The following OCLN variants were observed in gnomAD, a reference collection of about 807,000 sequenced individuals.
OCLN encodes occludin.
Under a neutral mutation model 47.9 loss-of-function variants are expected in OCLN, and 21 were observed. The ratio of observed to expected loss-of-function variants is 0.44; its 90% CI spans 0.31 to 0.63. The LOEUF (loss-of-function observed/expected upper bound fraction) is 0.63, where lower values mean the gene tolerates loss of function less well. Ranked by LOEUF, OCLN falls within the 30% of genes least tolerant of loss-of-function variation. OCLN has a pLI of 0.08. For synonymous variants in OCLN, 117 were observed against 198.4 expected (o/e 0.59, Z 3.45); for missense variants, 360 against 571.0 (o/e 0.63, Z 3.77).
intron 1 of OCLN, among the ~76,000 whole-genome samples, chr5:69,498,166 C>T (rs900892710): frequency 6.6e-6 from 1 of 151,822 alleles, no homozygotes; most frequent in African/African-American, 2.4e-5. Flanking sequence ...AATTAGTTCT[C>T]CTCTATACTG....
At chr5:69,511,330 G>A (rs56236929) in intron 3 of OCLN, among the ~76,000 whole-genome samples, 6 of 151,354 alleles carry the variant, frequency 4.0e-5, no homozygotes, top group African/African-American at 1.2e-4. Context: ...TGATCCGCCC[G>A]CCTCGGCCTC....
chr5:69,504,359 G>A (rs988231282), intron 2 of OCLN, 65 bp downstream of exon 2: 53 of 966,726 alleles, frequency 5.5e-5, no homozygotes, highest in Non-Finnish European at 8.4e-5. Flanking sequence ...AATAAGTATG[G>A]TTGAAACTTT....
In OCLN at chr5:69,509,544, G is replaced by T. The variant is rs779726887; in HGVS notation, c.454G>T (p.Ala152Ser). ...LAMAAFCFIA[A>S]LVIFVTSVIR... ...CATGGCTGCCTTTTGTTTCATTGCCGCGTTGGTGATCTTTGTTACCAGTGT... is the reference window on the plus strand; with the variant it reads ...CATGGCTGCCTTTTGTTTCATTGCCTCGTTGGTGATCTTTGTTACCAGTGT... Residue 152 changes from alanine (A) to serine (S), a missense_variant, in exon 3 of 9, where the codon GCG (alanine) becomes TCG (serine). By Grantham distance (99) the Ala-to-Ser change is moderately conservative. Transcript: ENST00000396442. 1.2e-6 allele frequency: 2 copies of T among 1,614,132 alleles called. No individual in the cohort carries two copies. Among genetic ancestry groups the T allele is most frequent in the Non-Finnish European group, 8.5e-7 (1 of 1,180,002 alleles).
At chr5:69,502,223 AT>A (rs935839929) in intron 1 of OCLN, among the ~76,000 whole-genome samples, 1 of 152,072 alleles carries the variant, frequency 6.6e-6, no homozygotes, top group Non-Finnish European at 1.5e-5. Flanking sequence ...GTTGCCATTA[AT>A]TTAAAAAAAA....
intron 3 of OCLN, 99 bp downstream of exon 3, chr5:69,509,918 G>A (rs1433846235): frequency 6.5e-6 from 6 of 923,666 alleles, no homozygotes; most frequent in Non-Finnish European, 1.1e-5. Flanking sequence ...AAAAAATATT[G>A]ATGACAAGGC....
At position 69,534,908 on chromosome 5, in the gene OCLN, G is replaced by T; in HGVS notation, c.1037+69G>T. 4 of 1,554,524 alleles carry T rather than the reference G, an allele frequency of 2.6e-6. 1 individual carries two copies. The highest frequency in any genetic ancestry group is 3.5e-6 in the Non-Finnish European group (4 of 1,146,772). ...GAGTATTTGCATATAATTGGTTTTT[G>T]TGCCTTTCTGCTTAAAAAAAATATC... On this transcript the variant is annotated intron_variant, in intron 5 of 8. Coordinates refer to ENST00000396442, the MANE Select transcript of OCLN (RefSeq NM_001205254.2).
intron 1 of OCLN, chr5:69,502,598 C>CTATAG (rs1768491479): frequency 2.0e-5 from 3 of 152,342 alleles, no homozygotes; most frequent in Admixed American, 2.0e-4. Flanking sequence ...CCCTACTCTA[C>CTATAG]TAATCACTGG....
intron 5 of OCLN, among the ~76,000 whole-genome samples, chr5:69,535,826 T>TA (rs1769566987): frequency 6.6e-6 from 1 of 151,940 alleles, no homozygotes; most frequent in Admixed American, 6.6e-5. Flanking sequence ...ATATAAAAGA[T>TA]AAAAAATGGT....
At chr5:69,528,885 C>T (rs1769353790) in intron 4 of OCLN, among the ~76,000 whole-genome samples, 1 of 152,070 alleles carries the variant, frequency 6.6e-6, no homozygotes, top group South Asian at 2.1e-4. Context: ...GCAGGTCTAG[C>T]CTGACTCTCT....
At chr5:69,512,239 G>C (rs894344547) in intron 3 of OCLN, among the ~76,000 whole-genome samples, 1 of 152,060 alleles carries the variant, frequency 6.6e-6, no homozygotes, top group African/African-American at 2.4e-5. Context: ...TTAATTTTGG[G>C]CATGATGGAA....
chr5:69,509,324 C>T lies in OCLN; in HGVS notation c.234C>T (p.Ala78=). Residue 78 remains alanine (A), a synonymous_variant, in exon 3 of 9, where the codon GCC becomes GCT. Transcript: ENST00000396442. ...TGCTCATTATTGTGATGTGCATTGCCATCTTTGCCTGTGTGGCCTCCACGC... is the reference window on the plus strand; with the variant it reads ...TGCTCATTATTGTGATGTGCATTGCTATCTTTGCCTGTGTGGCCTCCACGC... ...LSMLIIVMCI[A]IFACVASTLA... 2 of 1,614,188 alleles carry T rather than the reference C, an allele frequency of 1.2e-6. No homozygotes were observed. The highest frequency in any genetic ancestry group is 1.7e-6 in the Non-Finnish European group (2 of 1,180,030).
rs936993507 is a variant in OCLN at position 69,492,794 on chromosome 5, C to G, written c.-175C>G. 1 of 152,526 alleles carries G rather than the reference C, an allele frequency of 6.6e-6. No individual in the cohort carries two copies. The highest frequency in any genetic ancestry group is 1.5e-5 in the Non-Finnish European group (1 of 68,320). The allele number at this position is 152,526 out of a possible 1,614,324, so 9.4% of individuals were successfully genotyped here. On this transcript the variant is annotated 5_prime_UTR_variant, in exon 1 of 9. Transcript: ENST00000396442. ...GGGAGGAGACGTCCCCAGCCCAGTC[C>G]CCGGCTGAGCGCTGGCGGTCGGTGC... is the stretch of plus-strand genomic sequence containing the variant.
chr5:69,548,750 G>C (rs1291335447), intron 7 of OCLN, among the ~76,000 whole-genome samples: 1 of 150,942 alleles, frequency 6.6e-6, no homozygotes, highest in East Asian at 2.0e-4. Flanking sequence ...CCTGAGGTCA[G>C]GAGTTAGAGA....
At position 69,497,669 on chromosome 5, in the gene OCLN, C is replaced by T. The variant is rs866271913; in HGVS notation, c.-69+4769C>T. ...GTGCTGGGATTACAGGCGTGAGCCACGGTGCCTGGCCAGCTTTTCTAGATC... is the reference window on the plus strand; with the variant it reads ...GTGCTGGGATTACAGGCGTGAGCCATGGTGCCTGGCCAGCTTTTCTAGATC... On this transcript the variant is annotated intron_variant, in intron 1 of 8. Transcript: ENST00000396442. Among the ~76,000 whole-genome samples the T allele has an allele frequency of 1.6e-4, 24 of 152,216 alleles. 1 individual carries two copies. Among genetic ancestry groups the T allele is most frequent in the Non-Finnish European group, 1.8e-4 (12 of 68,028 alleles).
chr5:69,533,068 TACAC>T (rs1375726898), intron 4 of OCLN, among the ~76,000 whole-genome samples: 4 of 146,400 alleles, frequency 2.7e-5, no homozygotes, highest in African/African-American at 7.8e-5. Flanking sequence ...CATATATATA[TACAC>T]ACACATATAT....
chr5:69,509,905 C>CT (rs1768732103), intron 3 of OCLN, 86 bp downstream of exon 3: 4 of 1,041,098 alleles, frequency 3.8e-6, no homozygotes, highest in Non-Finnish European at 6.0e-6. Flanking sequence ...TCTGGAAACT[C>CT]TTAAAAAATA....
Position 69,529,858 on chromosome 5 carries a change from C to A in OCLN, c.892-4836C>A, listed in dbSNP as rs549220593. Among the ~76,000 whole-genome samples the A allele has an allele frequency of 4.7e-4, 72 of 152,296 alleles. No individual in the cohort carries two copies. The East Asian group carries it at 9.6e-3, about 20-fold the overall frequency. On this transcript the variant is annotated intron_variant, in intron 4 of 8. Transcript: ENST00000396442. ...CTTCAGGTGATCCCTCCTGCCTCAGCCTCCCAAAGTGCTGGGATTACAGGC... is the reference window on the plus strand; with the variant it reads ...CTTCAGGTGATCCCTCCTGCCTCAGACTCCCAAAGTGCTGGGATTACAGGC...
chr5:69,521,086 G>A (rs1358278785), intron 4 of OCLN, among the ~76,000 whole-genome samples: 1 of 151,208 alleles, frequency 6.6e-6, no homozygotes, highest in South Asian at 2.1e-4. Context: ...ATCCACCCGC[G>A]TCGGCCTCCC....
At chr5:69,509,098 A>G in intron 2 of OCLN, 43 bp from the exon 3 acceptor site, 2 of 1,542,558 alleles carry the variant, frequency 1.3e-6, no homozygotes, top group Non-Finnish European at 1.8e-6. Context: ...TCTGCTTACT[A>G]CCAAAAAATG....
Sources: allele counts gnomAD v4.1 joint callset (sites outside exome capture counted in the v4.1 genomes callset), GRCh38; gene constraint gnomAD v4.1.1; transcripts MANE v1.5; gene names NCBI Gene and HGNC (gene_info 2026-07-23, HGNC 2026-07-21).